Variants in FAM168A observed in about 807,000 individuals in gnomAD.
FAM168A encodes the protein family with sequence similarity 168 member A.
FAM168A carries 3 observed loss-of-function variants against 28.5 expected under a neutral mutation model. The observed-to-expected ratio is 0.11, with a 90% CI of 0.05 to 0.27. The LOEUF is 0.27. FAM168A is among the 10% of genes least tolerant of loss of function. The pLI, the probability that FAM168A is intolerant of heterozygous loss-of-function variation, is 1.00. For missense variants in FAM168A, 222 were observed against 311.5 expected, an observed-to-expected ratio of 0.71 and a Z score of 2.16; for synonymous variants, 122 against 124.2, an observed-to-expected ratio of 0.98 and a Z score of 0.12.
chr11:73,509,817 C>A (rs1169453159), intron 1 of FAM168A, among the ~76,000 whole-genome samples: 1 of 152,132 alleles, frequency 6.6e-6, no homozygotes, highest in Admixed American at 6.5e-5. Flanking sequence ...TTTCCCTCCA[C>A]AAATTTTATG....
At chr11:73,520,124 C>T (rs1358875194) in intron 1 of FAM168A, among the ~76,000 whole-genome samples, 1 of 152,046 alleles carries the variant, frequency 6.6e-6, no homozygotes, top group Non-Finnish European at 1.5e-5. Context: ...CGGCTCACTG[C>T]AACCTCTGCC....
intron 1 of FAM168A, among the ~76,000 whole-genome samples, chr11:73,572,256 G>A (rs1944107579): frequency 6.6e-6 from 1 of 151,052 alleles, no homozygotes; most frequent in Non-Finnish European, 1.5e-5. Context: ...AGGGAGGTGG[G>A]GGGTCAGCCC....
chr11:73,588,610 T>A (rs1944344929), intron 1 of FAM168A, among the ~76,000 whole-genome samples: 1 of 152,062 alleles, frequency 6.6e-6, no homozygotes, highest in Non-Finnish European at 1.5e-5. Flanking sequence ...CAGGATTACA[T>A]GACCACGTGA....
chr11:73,501,647 CAA>C (rs1855012195), intron 1 of FAM168A, among the ~76,000 whole-genome samples: 1 of 152,230 alleles, frequency 6.6e-6, no homozygotes, highest in East Asian at 1.9e-4. Context: ...CCAATGAGAA[CAA>C]AGAGACAACG....
intron 5 of FAM168A, chr11:73,410,642 G>A (rs763800981): frequency 1.8e-4 from 27 of 151,940 alleles, no homozygotes; most frequent in Non-Finnish European, 3.4e-4. Flanking sequence ...ATCTTCAAAT[G>A]TTTCTACTAA....
At chr11:73,464,456 T>A (rs1867701732) in intron 2 of FAM168A, among the ~76,000 whole-genome samples, 1 of 152,188 alleles carries the variant, frequency 6.6e-6, no homozygotes, top group Admixed American at 6.5e-5. Context: ...TTTAGACCTA[T>A]GTTTTCTACT....
intron 1 of FAM168A, among the ~76,000 whole-genome samples, chr11:73,584,032 CA>C (rs1365793405): frequency 6.6e-6 from 1 of 152,242 alleles, no homozygotes; most frequent in East Asian, 1.9e-4. Context: ...ACAGCCTGAT[CA>C]AAATGTAAGT....
intron 2 of FAM168A, among the ~76,000 whole-genome samples, chr11:73,444,044 C>T (rs778040414): frequency 3.3e-4 from 51 of 152,266 alleles, no homozygotes; most frequent in Admixed American, 6.5e-4. Context: ...GTGGGAAGAA[C>T]GGGGGTTCTG....
intron 3 of FAM168A, among the ~76,000 whole-genome samples, chr11:73,423,907 T>C (rs895253771): frequency 6.6e-6 from 1 of 152,236 alleles, no homozygotes; most frequent in Non-Finnish European, 1.5e-5. Context: ...TTTATGCAGA[T>C]CTATTTCAGA....
intron 1 of FAM168A, among the ~76,000 whole-genome samples, chr11:73,540,108 C>T (rs1302948502): frequency 6.6e-6 from 1 of 152,144 alleles, no homozygotes; most frequent in African/African-American, 2.4e-5. Context: ...TTTCTTATTT[C>T]AACACAAAGA....
intron 1 of FAM168A, among the ~76,000 whole-genome samples, chr11:73,543,225 A>ATCTTACTAGT (rs1943679623): frequency 6.6e-6 from 1 of 151,472 alleles, no homozygotes; most frequent in South Asian, 2.1e-4. Context: ...TTGTAAGTAT[A>ATCTTACTAGT]ATCAATACTA....
chr11:73,579,912 T>A (rs1044023806), intron 1 of FAM168A, among the ~76,000 whole-genome samples: 1 of 152,212 alleles, frequency 6.6e-6, no homozygotes, highest in East Asian at 1.9e-4. Context: ...ATTTTTCAGA[T>A]ACCATTCATT....
chr11:73,481,342 T>C (rs1343861256), intron 1 of FAM168A, among the ~76,000 whole-genome samples: 4 of 152,202 alleles, frequency 2.6e-5, no homozygotes, highest in Admixed American at 6.5e-5. Flanking sequence ...ATGAGAGCAG[T>C]TTTGTCTTGA....
At chr11:73,591,098 C>T (rs560849462) in intron 1 of FAM168A, among the ~76,000 whole-genome samples, 1 of 151,884 alleles carries the variant, frequency 6.6e-6, no homozygotes, top group South Asian at 2.1e-4. Flanking sequence ...GAGCAGAGAT[C>T]GTGCCACTGT....
intron 1 of FAM168A, chr11:73,580,466 G>A (rs1944229894): frequency 1.6e-6 from 1 of 620,684 alleles, no homozygotes; most frequent in Non-Finnish European, 3.1e-6. Context: ...TACAGAAAAT[G>A]GAGATGCCAA....
chr11:73,547,927 T>A (rs1565293396), intron 1 of FAM168A, among the ~76,000 whole-genome samples: 1 of 151,848 alleles, frequency 6.6e-6, no homozygotes, highest in Non-Finnish European at 1.5e-5. Context: ...TCCTTTCACA[T>A]GCTACAGCAT....
chr11:73,468,361 T>C lies in FAM168A; in HGVS notation c.70+44A>G, dbSNP rs754279955. ...GGAGCAAGTTATTTGGTAATATCCT[T>C]AACCACCATTTCTCAAAATGAGAGC... On this transcript the variant is annotated intron_variant, in intron 2 of 7. Transcript: ENST00000356467. The C allele has an allele frequency of 6.3e-6, 10 of 1,582,520 alleles. No homozygotes were observed. The South Asian group carries it at 1.1e-4, about 18-fold the overall frequency.
chr11:73,521,156 T>G (rs1421106309), intron 1 of FAM168A, among the ~76,000 whole-genome samples: 1 of 152,220 alleles, frequency 6.6e-6, no homozygotes, highest in Non-Finnish European at 1.5e-5. Context: ...ATTGGTAGGT[T>G]GTTCTGCATG....
intron 2 of FAM168A, among the ~76,000 whole-genome samples, chr11:73,457,641 C>G (rs901690034): frequency 1.4e-5 from 2 of 138,098 alleles, no homozygotes; most frequent in African/African-American, 2.7e-5. Flanking sequence ...TTTGGGAGGC[C>G]GAAGTAAGAG....
Sources: allele counts gnomAD v4.1 joint callset (sites outside exome capture counted in the v4.1 genomes callset), GRCh38; gene constraint gnomAD v4.1.1; transcripts MANE v1.5; gene names NCBI Gene and HGNC (gene_info 2026-07-23, HGNC 2026-07-21).